The following MBNL1 variants were observed in gnomAD, a reference collection of about 807,000 sequenced individuals.
The protein encoded by MBNL1 is muscleblind-like protein 1.
In MBNL1, 8 loss-of-function variants were observed where a neutral mutation model predicts 42.2. The observed-to-expected ratio is 0.19, with a 90% confidence interval of 0.11 to 0.34. The LOEUF (loss-of-function observed/expected upper bound fraction) is 0.34. Ranked by LOEUF, MBNL1 falls within the 10% of genes least tolerant of loss-of-function variation. MBNL1 has a pLI of 1.00. For missense variants in MBNL1, 309 were observed against 495.3 expected, an observed-to-expected ratio of 0.62 and a Z score of 3.57; for synonymous variants, 169 against 173.9, an observed-to-expected ratio of 0.97 and a Z score of 0.22.
At position 152,432,884 on chromosome 3, in the gene MBNL1, T is replaced by C. The variant is rs1011130627; in HGVS notation, c.513T>C (p.Ala171=). Residue 171 remains alanine, a synonymous_variant, in exon 4 of 10, where the codon GCT becomes GCC. Coordinates refer to ENST00000324210, the MANE Select transcript of MBNL1 (RefSeq NM_021038.5). ...PGVPVPAAAA[A]AAQKLMRTDR... is the part of the protein sequence containing the mutation. ...TCCCTGTACCTGCAGCTGCTGCAGC[T>C]GCTGCACAGAAATTAATGCGAACAG... The C allele has an allele frequency of 3.7e-6, 6 of 1,613,610 alleles. No individual in the cohort carries two copies. The highest frequency in any genetic ancestry group is 5.1e-6 in the Non-Finnish European group (6 of 1,179,622).
intron 2 of MBNL1, among the ~76,000 whole-genome samples, chr3:152,327,882 T>G (rs1208788156): frequency 6.6e-6 from 1 of 152,008 alleles, no homozygotes; most frequent in Non-Finnish European, 1.5e-5. Context: ...TAAAGGAATT[T>G]GGAAGTTAAG....
chr3:152,322,941 T>G (rs1160974946), intron 2 of MBNL1, among the ~76,000 whole-genome samples: 1 of 152,104 alleles, frequency 6.6e-6, no homozygotes, highest in Non-Finnish European at 1.5e-5. Flanking sequence ...TGAGTCTATT[T>G]AAGCCAGGAT....
In MBNL1 at chr3:152,432,741, T is replaced by C; in HGVS notation, c.370T>C (p.Leu124=). The C allele has an allele frequency of 6.2e-7, 1 of 1,614,252 alleles. No homozygotes were observed. The highest frequency in any genetic ancestry group is 8.5e-7 in the Non-Finnish European group (1 of 1,180,046). The change falls in exon 4 of 10, where the codon TTA becomes CTA. Residue 124 remains leucine (L), a synonymous_variant. Coordinates refer to ENST00000324210, the MANE Select transcript of MBNL1 (RefSeq NM_021038.5). The part of the protein sequence containing the change: ...PVPMFSVAPS[L]ATNASAAAFN... The stretch of plus-strand genomic sequence containing the variant: ...GCCAATGTTTTCAGTTGCACCAAGC[T>C]TAGCCACCAATGCATCAGCAGCCGC...
chr3:152,417,278 T>C (rs1051244481), intron 3 of MBNL1, among the ~76,000 whole-genome samples: 3 of 152,030 alleles, frequency 2.0e-5, no homozygotes, highest in Non-Finnish European at 2.9e-5. Flanking sequence ...TACTGGGAGT[T>C]TAATGTGGGC....
At chr3:152,314,013 C>T (rs149812698) in intron 2 of MBNL1, among the ~76,000 whole-genome samples, 1 of 152,226 alleles carries the variant, frequency 6.6e-6, no homozygotes, top group African/African-American at 2.4e-5. Context: ...TGCTGGTCTA[C>T]AATAAATAAT....
At chr3:152,446,160 A>C (rs988226078) in intron 5 of MBNL1, among the ~76,000 whole-genome samples, 1 of 152,192 alleles carries the variant, frequency 6.6e-6, no homozygotes, top group Admixed American at 6.5e-5. Flanking sequence ...ATCATTAAGA[A>C]TAGCTACTAA....
intron 2 of MBNL1, chr3:152,335,217 G>C (rs778448549): frequency 8.5e-6 from 11 of 1,289,668 alleles, no homozygotes; most frequent in Admixed American, 4.6e-5. Flanking sequence ...CATGGAGTTG[G>C]CTAATGGATG....
intron 2 of MBNL1, among the ~76,000 whole-genome samples, chr3:152,368,522 A>G (rs921927359): frequency 6.6e-6 from 1 of 152,110 alleles, no homozygotes; most frequent in Non-Finnish European, 1.5e-5. Context: ...TATGAAATTT[A>G]AAGTACTTTT....
At chr3:152,377,290 T>A (rs2096950959) in intron 2 of MBNL1, among the ~76,000 whole-genome samples, 2 of 152,188 alleles carry the variant, frequency 1.3e-5, no homozygotes, top group South Asian at 4.1e-4. Flanking sequence ...TGGGTTGATT[T>A]GAAACTACCT....
intron 6 of MBNL1, among the ~76,000 whole-genome samples, chr3:152,448,396 A>G (rs940831718): frequency 2.0e-5 from 3 of 152,212 alleles, no homozygotes; most frequent in African/African-American, 7.2e-5. Flanking sequence ...TAATGTATAC[A>G]TAATCTAGAA....
chr3:152,273,088 C>T (rs528910342), intron 1 of MBNL1, among the ~76,000 whole-genome samples: 15 of 152,168 alleles, frequency 9.9e-5, no homozygotes, highest in Non-Finnish European at 1.6e-4. Context: ...GGCATAGCTT[C>T]CATTAGTGTC....
intron 1 of MBNL1, among the ~76,000 whole-genome samples, chr3:152,282,851 G>A (rs541443293): frequency 6.6e-6 from 1 of 152,216 alleles, no homozygotes; most frequent in South Asian, 2.1e-4. Flanking sequence ...AAGAGAAATA[G>A]CATCACAAAA....
rs1269798711 is a variant in MBNL1 at position 152,462,845 on chromosome 3, A to G, written c.*479A>G. The G allele has an allele frequency of 6.6e-6, 1 of 152,446 alleles. No individual in the cohort carries two copies. Among genetic ancestry groups the G allele is most frequent in the Non-Finnish European group, 1.5e-5 (1 of 67,998 alleles). 9.4% of individuals were successfully genotyped at this position (152,446 alleles called of 1,614,324 possible). A position where few individuals can be genotyped will look rare whatever the true frequency, so the allele number is the denominator to read the frequency against. On this transcript the variant is annotated 3_prime_UTR_variant, in exon 10 of 10. Coordinates refer to ENST00000324210, the MANE Select transcript of MBNL1 (RefSeq NM_021038.5). ...GGTGCACCTTGTATTTAAAATTGCC[A>G]TTATAGATGAGAGCGTGCATGCACA... is the stretch of plus-strand genomic sequence containing the variant.
intron 6 of MBNL1, 71 bp downstream of exon 6, chr3:152,447,844 C>G: frequency 7.1e-7 from 1 of 1,404,116 alleles, no homozygotes; most frequent in Non-Finnish European, 9.8e-7. Context: ...AGCAGATAAA[C>G]CACACCCCAA....
At chr3:152,461,907 A>ATCAT (rs1746661164) in intron 9 of MBNL1, among the ~76,000 whole-genome samples, 1 of 152,192 alleles carries the variant, frequency 6.6e-6, no homozygotes, top group Non-Finnish European at 1.5e-5. Context: ...CACTTAAAGT[A>ATCAT]TCATTCTTTT....
intron 3 of MBNL1, among the ~76,000 whole-genome samples, chr3:152,428,512 G>A (rs779859228): frequency 1.1e-4 from 17 of 152,172 alleles, no homozygotes; most frequent in Non-Finnish European, 2.4e-4. Context: ...AGCACAATTA[G>A]GAATTAAACA....
intron 2 of MBNL1, among the ~76,000 whole-genome samples, chr3:152,401,443 A>T (rs2098214221): frequency 6.6e-6 from 1 of 152,182 alleles, no homozygotes; most frequent in African/African-American, 2.4e-5. Context: ...TTAAAAACAG[A>T]TGCCCAGTTT....
chr3:152,340,924 C>G, intron 2 of MBNL1: 1 of 1,582,234 alleles, frequency 6.3e-7, no homozygotes, highest in Non-Finnish European at 8.6e-7. Flanking sequence ...CTAATTCTCT[C>G]CAGACAGGAG....
intron 2 of MBNL1, among the ~76,000 whole-genome samples, chr3:152,367,380 G>C (rs1410338879): frequency 2.0e-5 from 3 of 152,154 alleles, no homozygotes; most frequent in Non-Finnish European, 4.4e-5. Context: ...TGGCTGCATA[G>C]TATTCCATGG....
Sources: gnomAD v4.1 joint callset for allele counts (sites outside exome capture counted in the v4.1 genomes callset) on GRCh38, gnomAD v4.1.1 for gene constraint, MANE v1.5 for transcripts, NCBI Gene and HGNC (gene_info 2026-07-23, HGNC 2026-07-21) for gene names.